Variants in STK32B observed in about 807,000 individuals in gnomAD.
STK32B encodes the protein serine/threonine-protein kinase 32B.
In STK32B, 43 loss-of-function variants were observed where a neutral mutation model predicts 52.6. That is an observed-to-expected ratio of 0.82 (90% CI 0.64 to 1.05). The LOEUF is 1.05. STK32B is among the 50% of genes least tolerant of loss of function. The pLI is 0.00. For missense variants in STK32B, 621 were observed against 534.6 expected (o/e 1.16, Z -1.59); for synonymous variants, 238 against 204.3 (o/e 1.17, Z -1.41).
rs1481114750 is a variant in STK32B at position 5,307,556 on chromosome 4, T to TG, written c.261-23664_261-23663insG. 6.6e-5 allele frequency among the ~76,000 whole-genome samples: 10 copies of TG among 152,068 alleles called. No homozygotes were observed. The South Asian group carries it at 1.0e-3, about 16-fold the overall frequency. On this transcript the variant is annotated intron_variant, in intron 3 of 11. Transcript: ENST00000282908. ...CCATTCATATGCTCTATCTTTTTTT[T>TG]TTTTTTTTAGGTTGAACTTCACCTT... is the stretch of plus-strand genomic sequence containing the variant.
intron 1 of STK32B, among the ~76,000 whole-genome samples, chr4:5,066,125 T>G (rs1250693344): frequency 4.6e-5 from 7 of 152,230 alleles, no homozygotes; most frequent in African/African-American, 1.7e-4. Context: ...AGAATTATTA[T>G]CTCAAATTCA....
chr4:5,094,071 C>T (rs1021152857), intron 1 of STK32B, among the ~76,000 whole-genome samples: 1 of 152,162 alleles, frequency 6.6e-6, no homozygotes, highest in African/African-American at 2.4e-5. Flanking sequence ...GAAAACCTTG[C>T]ACTTTTTGTG....
chr4:5,063,297 A>G (rs1742286833), intron 1 of STK32B, among the ~76,000 whole-genome samples: 1 of 152,182 alleles, frequency 6.6e-6, no homozygotes, highest in Non-Finnish European at 1.5e-5. Flanking sequence ...CACATATGTA[A>G]TTTTTAATAA....
intron 6 of STK32B, among the ~76,000 whole-genome samples, chr4:5,423,609 C>G (rs1328649964): frequency 6.6e-6 from 1 of 152,136 alleles, no homozygotes; most frequent in East Asian, 1.9e-4. Flanking sequence ...CCAACATTCC[C>G]CTGCCTTATG....
chr4:5,190,770 T>C (rs1434264735), intron 3 of STK32B, among the ~76,000 whole-genome samples: 2 of 152,116 alleles, frequency 1.3e-5, no homozygotes, highest in African/African-American at 2.4e-5. Context: ...TCGGGGCGGC[T>C]GTCTGAAGAA....
chr4:5,301,825 G>A (rs114309769), intron 3 of STK32B, among the ~76,000 whole-genome samples: 2,043 of 136,072 alleles, frequency 0.015, 32 homozygotes, highest in African/African-American at 0.055. Context: ...CATTTCCTTC[G>A]TTTGGGTTTA....
At chr4:5,251,305 T>A (rs1725910354) in intron 3 of STK32B, among the ~76,000 whole-genome samples, 1 of 152,260 alleles carries the variant, frequency 6.6e-6, no homozygotes, top group Non-Finnish European at 1.5e-5. Context: ...TGCATGTGGC[T>A]GGTTAGTTAT....
intron 3 of STK32B, among the ~76,000 whole-genome samples, chr4:5,201,200 C>T (rs529502554): frequency 1.3e-5 from 2 of 152,222 alleles, no homozygotes; most frequent in African/African-American, 4.8e-5. Flanking sequence ...TAGCAATATT[C>T]TGGAGTGAGG....
intron 11 of STK32B, among the ~76,000 whole-genome samples, chr4:5,488,900 G>T (rs1719447421): frequency 6.6e-6 from 1 of 151,744 alleles, no homozygotes; most frequent in Non-Finnish European, 1.5e-5. Context: ...TCTCAATAAA[G>T]AATATATTTT....
chr4:5,417,489 C>A (rs1712260032), intron 6 of STK32B, among the ~76,000 whole-genome samples: 1 of 152,082 alleles, frequency 6.6e-6, no homozygotes, highest in Admixed American at 6.6e-5. Flanking sequence ...TCCTTCATTT[C>A]TTTAAAAATG....
rs1016679056 is a variant in STK32B, at chr4:5,398,660, G to T, written c.472+416G>T. ...GGGTGTTCATGAGGGTGAAATGAGA[G>T]TACACACTCATTTCTAGCAAGCAGA... On this transcript the variant is annotated intron_variant, in intron 5 of 11. Transcript: ENST00000282908. The surrounding 1 kb of genome is among the most constrained non-coding windows in gnomAD (Gnocchi z 4.9). Among the ~76,000 whole-genome samples, 4 of 152,126 alleles carry T rather than the reference G, an allele frequency of 2.6e-5. No homozygotes were observed. Among genetic ancestry groups the T allele is most frequent in the African/African-American group, 9.7e-5 (4 of 41,424 alleles).
chr4:5,375,915 TCA>T (rs1227780330), intron 4 of STK32B, among the ~76,000 whole-genome samples: 5 of 152,112 alleles, frequency 3.3e-5, no homozygotes, highest in Non-Finnish European at 7.4e-5. Context: ...GAGACACCAC[TCA>T]CAGTTCAGAC....
intron 3 of STK32B, among the ~76,000 whole-genome samples, chr4:5,184,086 A>C (rs894699409): frequency 2.6e-5 from 4 of 152,208 alleles, no homozygotes; most frequent in Admixed American, 6.5e-5. Context: ...TGCATTCAGA[A>C]CTTGGCTAAC....
At chr4:5,461,805 T>A (rs548636135) in intron 9 of STK32B, among the ~76,000 whole-genome samples, 3 of 152,326 alleles carry the variant, frequency 2.0e-5, no homozygotes, top group African/African-American at 7.2e-5. Context: ...TGCCTGGACC[T>A]CCTTCTGCCC....
intron 3 of STK32B, among the ~76,000 whole-genome samples, chr4:5,314,266 A>G (rs1560308172): frequency 6.6e-6 from 1 of 152,220 alleles, no homozygotes; most frequent in Non-Finnish European, 1.5e-5. Context: ...GCCCAACTGC[A>G]AAGTTTCAAA....
intron 1 of STK32B, among the ~76,000 whole-genome samples, chr4:5,098,247 G>T (rs1042316306): frequency 1.3e-5 from 2 of 152,238 alleles, no homozygotes; most frequent in Non-Finnish European, 2.9e-5. Flanking sequence ...CAGTGATTTG[G>T]AGCAGAAGGA....
intron 3 of STK32B, among the ~76,000 whole-genome samples, chr4:5,319,853 G>A (rs910778558): frequency 6.6e-6 from 1 of 152,168 alleles, no homozygotes; most frequent in Admixed American, 6.5e-5. Context: ...GACCTGCAGA[G>A]GATGTGGCTG....
intron 5 of STK32B, among the ~76,000 whole-genome samples, chr4:5,414,203 A>G (rs1711956148): frequency 6.6e-6 from 1 of 152,116 alleles, no homozygotes. Context: ...ATATGTTTTC[A>G]TAATTTAGAA....
At chr4:5,074,960 C>G (rs1048609465) in intron 1 of STK32B, among the ~76,000 whole-genome samples, 1 of 152,198 alleles carries the variant, frequency 6.6e-6, no homozygotes, top group South Asian at 2.1e-4. Context: ...CTCTATGTCT[C>G]CAACACTGGG....
Sources: gnomAD v4.1 joint callset for allele counts (sites outside exome capture counted in the v4.1 genomes callset) on GRCh38, gnomAD v4.1.1 for gene constraint, Gnocchi (gnomAD v3.1) non-coding constraint, MANE v1.5 for transcripts, NCBI Gene and HGNC (gene_info 2026-07-23, HGNC 2026-07-21) for gene names.